TASP1: variants seen among roughly 807,000 people sequenced by gnomAD.
TASP1 encodes taspase 1.
A neutral mutation model predicts 56.6 loss-of-function variants in TASP1; 16 were observed. The ratio of observed to expected loss-of-function variants is 0.28; its 90% CI spans 0.19 to 0.43. The LOEUF is 0.43. Ranked by LOEUF, TASP1 falls within the 20% of genes least tolerant of loss-of-function variation. TASP1 has a pLI of 1.00. For missense variants in TASP1, 393 were observed against 511.6 expected, an observed-to-expected ratio of 0.77 and a Z score of 2.24; for synonymous variants, 179 against 184.2, an observed-to-expected ratio of 0.97 and a Z score of 0.23.
chr20:13,574,587 G>A (rs1352791761), intron 6 of TASP1, among the ~76,000 whole-genome samples: 1 of 152,140 alleles, frequency 6.6e-6, no homozygotes, highest in African/African-American at 2.4e-5. Context: ...ATATGTTCAG[G>A]AAGCTAGAGG....
chr20:13,206,071 G>A, the TASP1 span, among the ~76,000 whole-genome samples: 1 of 152,182 alleles, frequency 6.6e-6, no homozygotes, highest in Non-Finnish European at 1.5e-5. Flanking sequence ...CATCAGAGCA[G>A]GGAGTCCTTG....
the TASP1 span, among the ~76,000 whole-genome samples, chr20:13,369,633 A>G: frequency 5.3e-5 from 8 of 152,148 alleles, no homozygotes; most frequent in African/African-American, 1.7e-4. Context: ...CTGTGTCGCA[A>G]TTTCCCAGGG....
chr20:13,478,529 A>G (rs1383012247), intron 11 of TASP1, among the ~76,000 whole-genome samples: 2 of 152,158 alleles, frequency 1.3e-5, no homozygotes, highest in African/African-American at 4.8e-5. Flanking sequence ...ATGTGTACAC[A>G]TGGACATAGA....
At chr20:13,399,421 A>T (rs528262489) in intron 13 of TASP1, among the ~76,000 whole-genome samples, 18 of 152,276 alleles carry the variant, frequency 1.2e-4, no homozygotes, top group Middle Eastern at 3.4e-3. Context: ...CATGTCCAGA[A>T]CTGAGTTTCT....
intron 8 of TASP1, among the ~76,000 whole-genome samples, chr20:13,538,570 C>A (rs566523207): frequency 2.0e-5 from 3 of 152,134 alleles, no homozygotes; most frequent in Non-Finnish European, 4.4e-5. Context: ...ATGACTTATA[C>A]CCTAACATGA....
chr20:13,345,916 T>TAAAAAAAA, the TASP1 span, among the ~76,000 whole-genome samples: 3 of 101,332 alleles, frequency 3.0e-5, no homozygotes, highest in Non-Finnish European at 4.2e-5. Flanking sequence ...CTCAGTAGGT[T>TAAAAAAAA]AAAAAAAAAA....
At chr20:13,271,881 C>T in the TASP1 span, among the ~76,000 whole-genome samples, 145 of 152,292 alleles carry the variant, frequency 9.5e-4, 1 homozygote, top group African/African-American at 3.3e-3. Context: ...CAGGCTCAAG[C>T]GATCCTCCCA....
the TASP1 span, among the ~76,000 whole-genome samples, chr20:13,217,668 G>A: frequency 6.6e-6 from 1 of 152,152 alleles, no homozygotes; most frequent in Non-Finnish European, 1.5e-5. Context: ...CCTAGGAAAG[G>A]TAATCTATTA....
chr20:13,117,262 G>T, the TASP1 span, among the ~76,000 whole-genome samples: 3 of 152,222 alleles, frequency 2.0e-5, no homozygotes, highest in African/African-American at 7.2e-5. Flanking sequence ...TTGTTTGCTT[G>T]AGAATTAGCT....
At chr20:13,518,437 A>C (rs919513705) in intron 10 of TASP1, among the ~76,000 whole-genome samples, 1 of 152,104 alleles carries the variant, frequency 6.6e-6, no homozygotes, top group Non-Finnish European at 1.5e-5. Flanking sequence ...CTCCCTACTC[A>C]AGAGTCCCCC....
At chr20:13,516,240 C>G (rs1185822130) in intron 10 of TASP1, among the ~76,000 whole-genome samples, 7 of 152,066 alleles carry the variant, frequency 4.6e-5, no homozygotes, top group Non-Finnish European at 8.8e-5. Flanking sequence ...AGGTGGCAAA[C>G]CCACGAAGGC....
chr20:13,512,088 C>T (rs2044352485), intron 10 of TASP1, among the ~76,000 whole-genome samples: 1 of 152,100 alleles, frequency 6.6e-6, no homozygotes. Flanking sequence ...GTCTTTATAG[C>T]AGCATGTTTT....
intron 13 of TASP1, among the ~76,000 whole-genome samples, chr20:13,397,655 A>G (rs189581396): frequency 1.3e-3 from 196 of 152,278 alleles, no homozygotes; most frequent in African/African-American, 4.5e-3. Context: ...ACTGGAACAA[A>G]TCTTACCAAC....
At chr20:13,270,424 T>G in the TASP1 span, 5 of 1,472,578 alleles carry the variant, frequency 3.4e-6, no homozygotes, top group Admixed American at 8.2e-5. Flanking sequence ...TCCTTGCTCC[T>G]GAATATAATG....
At chr20:13,194,543 ATGTG>A in the TASP1 span, among the ~76,000 whole-genome samples, 61,741 of 141,928 alleles carry the variant, frequency 0.44, 14,192 homozygotes, top group East Asian at 0.58. Context: ...TCACCAAGAA[ATGTG>A]TGTGTGTGTG....
chr20:13,534,614 A>G (rs188336409), intron 8 of TASP1, among the ~76,000 whole-genome samples: 72 of 152,318 alleles, frequency 4.7e-4, no homozygotes, highest in Non-Finnish European at 8.8e-4. Context: ...AGAAAATGGC[A>G]TTTACAATCT....
chr20:13,598,949 A>C (rs1213915754), intron 4 of TASP1, among the ~76,000 whole-genome samples: 1 of 152,258 alleles, frequency 6.6e-6, no homozygotes, highest in Non-Finnish European at 1.5e-5. Flanking sequence ...ACTGCTCATC[A>C]GAGAAATGAA....
chr20:13,310,166 T>C, the TASP1 span, among the ~76,000 whole-genome samples: 2 of 152,122 alleles, frequency 1.3e-5, no homozygotes, highest in African/African-American at 4.8e-5. Context: ...AAGCTGGAAG[T>C]ATAACACTAT....
chr20:13,557,479 T>C (rs1295787885), intron 8 of TASP1, among the ~76,000 whole-genome samples: 1 of 151,856 alleles, frequency 6.6e-6, no homozygotes, highest in Non-Finnish European at 1.5e-5. Flanking sequence ...AAATATTCTA[T>C]ATCTTGATAG....
Sources: allele counts gnomAD v4.1 joint callset (sites outside exome capture counted in the v4.1 genomes callset), GRCh38; gene constraint gnomAD v4.1.1; transcripts MANE v1.5; gene names NCBI Gene and HGNC (gene_info 2026-07-23, HGNC 2026-07-21).